Variants in PRKAG2 observed in about 807,000 individuals in gnomAD.
PRKAG2 encodes 5'-AMP-activated protein kinase subunit gamma-2.
A neutral mutation model predicts 69.6 loss-of-function variants in PRKAG2; 26 were observed. The ratio of observed to expected loss-of-function variants is 0.37; its 90% CI spans 0.27 to 0.52. The LOEUF (loss-of-function observed/expected upper bound fraction) is 0.52. Among genes scored for constraint, PRKAG2 ranks in the 20% least tolerant of loss-of-function variants. PRKAG2 has a pLI of 0.90. For missense variants in PRKAG2, 557 were observed against 740.0 expected, an observed-to-expected ratio of 0.75 and a Z score of 2.87; for synonymous variants, 293 against 285.0, an observed-to-expected ratio of 1.03 and a Z score of -0.28.
At chr7:151,729,836 C>T (rs572989083) in intron 3 of PRKAG2, among the ~76,000 whole-genome samples, 1 of 152,306 alleles carries the variant, frequency 6.6e-6, no homozygotes, top group South Asian at 2.1e-4. Flanking sequence ...TCCCCATCAC[C>T]CACTGAACCG....
chr7:151,637,398 G>A (rs1000822412), intron 4 of PRKAG2, among the ~76,000 whole-genome samples: 1 of 152,042 alleles, frequency 6.6e-6, no homozygotes, highest in African/African-American at 2.4e-5. Flanking sequence ...TTGTTTTTTG[G>A]GAGGCAGAAA....
rs142382318 is a variant in PRKAG2, at chr7:151,840,083, C to T, written c.114+36424G>A. 1.1e-3 allele frequency among the ~76,000 whole-genome samples: 175 copies of T among 152,204 alleles called. 2 individuals carry two copies. In the Middle Eastern group the frequency reaches 0.024, roughly 21 times the overall value. On this transcript the variant is annotated intron_variant, in intron 1 of 15. Transcript: ENST00000287878. ...TTGTACCCTGAGTGTGTGCGCCAGT[C>T]CTTGAGGGCATTACATTTTACATTA...
chr7:151,679,265 A>G lies in PRKAG2; in HGVS notation c.467-3628T>C, dbSNP rs902704271. Among the ~76,000 whole-genome samples, 5 of 152,240 alleles carry G rather than the reference A, an allele frequency of 3.3e-5. No homozygotes were observed. The East Asian group carries it at 7.8e-4, about 24-fold the overall frequency. On this transcript the variant is annotated intron_variant, in intron 3 of 15. Transcript: ENST00000287878. ...CTCTCAGGGGGATCTGCAGGGGCAG[A>G]GCAAAGAAGCCTGTGTGCTATTTTG...
rs2079144641 is a variant in PRKAG2, at chr7:151,836,233, C to T, written c.114+40274G>A. ...ATCTCTTCCCCAGGAGACTGAGAGA[C>T]TCGGGGGAGCAGGGGCTGCGTCAGG... On this transcript the variant is annotated intron_variant, in intron 1 of 15. Coordinates refer to ENST00000287878, the MANE Select transcript of PRKAG2 (RefSeq NM_016203.4). This position sits in a 1 kb window ranked among gnomAD's most constrained non-coding sequence, Gnocchi z 4.1. Among the ~76,000 whole-genome samples, 2 of 152,188 alleles carry T rather than the reference C, an allele frequency of 1.3e-5. No homozygotes were observed. Among genetic ancestry groups the T allele is most frequent in the Admixed American group, 1.3e-4 (2 of 15,282 alleles).
Position 151,699,759 on chromosome 7 carries a change from T to C in PRKAG2, c.467-24122A>G, listed in dbSNP as rs1011434465. On this transcript the variant is annotated intron_variant, in intron 3 of 15. Transcript: ENST00000287878. This position sits in a 1 kb window ranked among gnomAD's most constrained non-coding sequence, Gnocchi z 4.5. ...ACACGTCAATCTTTTCATCAATCAT[T>C]GAAAGCAGGACGAGGAGGCTGGGAC... Among the ~76,000 whole-genome samples, 1 of 152,112 alleles carries C rather than the reference T, an allele frequency of 6.6e-6. No individual in the cohort carries two copies. The highest frequency in any genetic ancestry group is 2.4e-5 in the African/African-American group (1 of 41,404).
In PRKAG2 at chr7:151,851,541, C is replaced by T. The variant is rs74891338; in HGVS notation, c.114+24966G>A. On this transcript the variant is annotated intron_variant, in intron 1 of 15. Transcript: ENST00000287878. ...CAAGCAGCTCTTGTGAAGTTGGCCA[C>T]GCACGTCTCTCCAGAGTCGGCTACA... Among the ~76,000 whole-genome samples the T allele has an allele frequency of 9.0e-3, 1,364 of 152,252 alleles. 17 individuals carry two copies. The highest frequency in any genetic ancestry group is 0.031 in the African/African-American group (1,273 of 41,540).
intron 15 of PRKAG2, 53 bp from the exon 16 acceptor site, chr7:151,557,285 C>T (rs1048400497): frequency 1.4e-5 from 22 of 1,613,670 alleles, no homozygotes; most frequent in Non-Finnish European, 1.7e-5. Context: ...CAGCAGGGTT[C>T]TCTACCCCAG....
At chr7:151,674,626 G>A (rs1165496206) in intron 4 of PRKAG2, among the ~76,000 whole-genome samples, 1 of 152,210 alleles carries the variant, frequency 6.6e-6, no homozygotes, top group East Asian at 1.9e-4. Flanking sequence ...GTCTCAGGAA[G>A]TGCTGGAGGC....
chr7:151,695,239 C>T (rs190030706), intron 3 of PRKAG2, among the ~76,000 whole-genome samples: 1 of 152,226 alleles, frequency 6.6e-6, no homozygotes, highest in African/African-American at 2.4e-5. Flanking sequence ...ACCTGTTTCT[C>T]TAAGTCATGG....
At chr7:151,647,042 C>G (rs1346822925) in intron 4 of PRKAG2, among the ~76,000 whole-genome samples, 3 of 152,214 alleles carry the variant, frequency 2.0e-5, no homozygotes, top group African/African-American at 7.2e-5. Context: ...AGGGAGGACT[C>G]AGGGTTGGAG....
chr7:151,795,595 G>A (rs1392463453), intron 1 of PRKAG2, among the ~76,000 whole-genome samples: 2 of 152,086 alleles, frequency 1.3e-5, no homozygotes, highest in South Asian at 2.1e-4. Flanking sequence ...GGTGGCTGCC[G>A]TGGGCGTATT....
intron 4 of PRKAG2, among the ~76,000 whole-genome samples, chr7:151,657,965 C>T (rs1829700855): frequency 6.6e-6 from 1 of 151,350 alleles, no homozygotes. Flanking sequence ...TGAGACCAGC[C>T]TGGCTAACAC....
chr7:151,602,438 T>G (rs1816342845), intron 5 of PRKAG2, among the ~76,000 whole-genome samples: 1 of 152,182 alleles, frequency 6.6e-6, no homozygotes, highest in East Asian at 1.9e-4. Context: ...GTGAAATAAT[T>G]GAAAATAATA....
intron 5 of PRKAG2, among the ~76,000 whole-genome samples, chr7:151,628,445 T>C (rs73478086): frequency 0.14 from 20,839 of 152,190 alleles, 1,659 homozygotes; most frequent in African/African-American, 0.19. Context: ...GGCACCGTGG[T>C]TCATGCCTGT....
chr7:151,715,347 A>AAAAATT (rs1461649654), intron 3 of PRKAG2, among the ~76,000 whole-genome samples: 4 of 136,630 alleles, frequency 2.9e-5, no homozygotes, highest in African/African-American at 5.4e-5. Context: ...AAAAAAAAAA[A>AAAAATT]ATTATTATTA....
At chr7:151,625,475 G>A (rs888074930) in intron 5 of PRKAG2, among the ~76,000 whole-genome samples, 5 of 152,156 alleles carry the variant, frequency 3.3e-5, no homozygotes, top group African/African-American at 9.7e-5. Flanking sequence ...GAAAAGTACC[G>A]GAGGCTTTAG....
At chr7:151,831,738 C>T (rs574391852) in intron 1 of PRKAG2, among the ~76,000 whole-genome samples, 23 of 152,168 alleles carry the variant, frequency 1.5e-4, no homozygotes, top group African/African-American at 5.6e-4. Context: ...TGGCCTCGCC[C>T]CCTGGAGGGA....
In PRKAG2 at chr7:151,876,829, G is replaced by A; in HGVS notation, c.-209C>T. On this transcript the variant is annotated 5_prime_UTR_variant, in exon 1 of 16. Coordinates refer to ENST00000287878, the MANE Select transcript of PRKAG2 (RefSeq NM_016203.4). ...GCCGAATTCAAGCGTCCTTTCCTAC[G>A]GAACCCTCGTAGGCAAATCAGTCAA... 1.6e-6 allele frequency: 1 copy of A among 623,336 alleles called. No individual in the cohort carries two copies. Among genetic ancestry groups the A allele is most frequent in the East Asian group, 2.8e-5 (1 of 35,806 alleles). The allele number at this position is 623,336 out of a possible 1,614,324, so 38.6% of individuals were successfully genotyped here.
At position 151,638,661 on chromosome 7, in the gene PRKAG2, G is replaced by A. The variant is rs1272425165; in HGVS notation, c.685-6523C>T. Among the ~76,000 whole-genome samples, 2 of 152,080 alleles carry A rather than the reference G, an allele frequency of 1.3e-5. No homozygotes were observed. Among genetic ancestry groups the A allele is most frequent in the East Asian group, 3.9e-4 (2 of 5,170 alleles). ...AAAAAAAGCTAAATTATTAAGTTGT[G>A]TCTTACATAATTGTGCCCAGGTGCA... On this transcript the variant is annotated intron_variant, in intron 4 of 15. Transcript: ENST00000287878. The surrounding 1 kb of genome is among the most constrained non-coding windows in gnomAD (Gnocchi z 4.3).
Sources: allele counts gnomAD v4.1 joint callset (sites outside exome capture counted in the v4.1 genomes callset), GRCh38; gene constraint gnomAD v4.1.1; non-coding constraint Gnocchi (gnomAD v3.1); transcripts MANE v1.5; gene names NCBI Gene and HGNC (gene_info 2026-07-23, HGNC 2026-07-21).